The following CYP20A1 variants were observed in gnomAD, a reference collection of about 807,000 sequenced individuals.
CYP20A1 encodes the protein cytochrome P450 family 20 subfamily A member 1, also known as cytochrome P450 20A1.
Under a neutral mutation model 61.4 loss-of-function variants are expected in CYP20A1, and 61 were observed. The observed-to-expected ratio is 0.99, with a 90% confidence interval of 0.81 to 1.23. The LOEUF (loss-of-function observed/expected upper bound fraction) is 1.23. CYP20A1 is among the 50% of genes most tolerant of loss of function. CYP20A1 has a pLI of 0.00. For missense variants in CYP20A1, 530 were observed against 542.4 expected, an observed-to-expected ratio of 0.98 and a Z score of 0.23; for synonymous variants, 193 against 188.2, an observed-to-expected ratio of 1.03 and a Z score of -0.21.
chr2:203,300,923 G>A lies in CYP20A1; in HGVS notation c.*4015G>A, dbSNP rs948594497. ...AAAAAAAAAAAAAAAACGGCCAGGC[G>A]AGGTGGCTCACACCTGTAATCCCAG... On this transcript the variant is annotated 3_prime_UTR_variant, in exon 13 of 13. Transcript: ENST00000356079. Among the ~76,000 whole-genome samples the A allele has an allele frequency of 1.8e-3, 231 of 128,666 alleles. 1 individual carries two copies. Among genetic ancestry groups the A allele is most frequent in the Middle Eastern group, 0.013 (2 of 150 alleles). The allele number at this position is 128,666 out of a possible 152,430, so 84.4% of individuals were successfully genotyped here. A position where few individuals can be genotyped will look rare whatever the true frequency, so the allele number is the denominator to read the frequency against.
At chr2:203,254,428 C>T (rs1195442393) in intron 4 of CYP20A1, among the ~76,000 whole-genome samples, 1 of 151,818 alleles carries the variant, frequency 6.6e-6, no homozygotes, top group Non-Finnish European at 1.5e-5. Context: ...GCCTGTAGTC[C>T]TAGCTACTCG....
rs56202721 is a variant in CYP20A1 at position 203,299,829 on chromosome 2, G to T, written c.*2921G>T. On this transcript the variant is annotated 3_prime_UTR_variant, in exon 13 of 13. Transcript: ENST00000356079. Reference sequence around the variant, plus strand: ...GCAGAGGTTGCGGTGAGCCAAGATCGCGCCATTGCACTCCAGCCTGGGCAA... The same window carrying T: ...GCAGAGGTTGCGGTGAGCCAAGATCTCGCCATTGCACTCCAGCCTGGGCAA... Among the ~76,000 whole-genome samples, 1 of 151,734 alleles carries T rather than the reference G, an allele frequency of 6.6e-6. No homozygotes were observed. Among genetic ancestry groups the T allele is most frequent in the African/African-American group, 2.4e-5 (1 of 41,352 alleles).
chr2:203,278,612 A>G lies in CYP20A1; in HGVS notation c.719A>G (p.Lys240Arg). ...QLESVLRNII[K>R]ERKGRNFSQH... is the part of the protein sequence containing the mutation. ...GAGTCTGTTTTAAGGAACATCATAA[A>G]AGAACGAAAAGGAAGGAACTTCAGT... Residue 240 changes from lysine to arginine, a missense_variant, in exon 7 of 13, where the codon AAA becomes AGA. Lys to Arg is a conservative substitution (Grantham distance 26). Transcript: ENST00000356079. 1.2e-6 allele frequency: 2 copies of G among 1,606,870 alleles called. No individual in the cohort carries two copies. The highest frequency in any genetic ancestry group is 1.7e-6 in the Non-Finnish European group (2 of 1,176,984).
chr2:203,271,681 C>T (rs2067604960), intron 5 of CYP20A1, among the ~76,000 whole-genome samples: 1 of 152,112 alleles, frequency 6.6e-6, no homozygotes, highest in Non-Finnish European at 1.5e-5. Flanking sequence ...ATCAATATTA[C>T]AGGTGAAACA....
rs770003364 is a variant in CYP20A1, at chr2:203,296,478, G to C, written c.1153G>C (p.Asp385His). ...AACCTCAAATTTTCTTTGTAGGTTT[G>C]ATCCAGATCGGTTTGATGATGAATT... is the stretch of plus-strand genomic sequence containing the variant. ...PNTWPSPHKF[D>H]PDRFDDELVM... The change falls in exon 12 of 13, where the codon GAT (aspartate) becomes CAT (histidine). Residue 385 changes from aspartate to histidine, a missense_variant. Asp to His is a moderately conservative substitution (Grantham distance 81, BLOSUM62 -1). Coordinates refer to ENST00000356079, the MANE Select transcript of CYP20A1 (RefSeq NM_177538.3). 5 of 1,608,980 alleles carry C rather than the reference G, an allele frequency of 3.1e-6. No individual in the cohort carries two copies. Among genetic ancestry groups the C allele is most frequent in the Non-Finnish European group, 4.2e-6 (5 of 1,176,946 alleles).
chr2:203,242,538 A>C (rs2066289746), intron 1 of CYP20A1, among the ~76,000 whole-genome samples: 1 of 152,174 alleles, frequency 6.6e-6, no homozygotes, highest in South Asian at 2.1e-4. Context: ...CTATAATCCC[A>C]GCACTTCGGG....
intron 9 of CYP20A1, among the ~76,000 whole-genome samples, chr2:203,285,940 A>G (rs1575257529): frequency 6.6e-6 from 1 of 152,292 alleles, no homozygotes; most frequent in East Asian, 1.9e-4. Flanking sequence ...AAATAGTACT[A>G]ATGAAGTCAA....
intron 4 of CYP20A1, among the ~76,000 whole-genome samples, chr2:203,257,046 T>TC (rs1195328886): frequency 1.3e-5 from 2 of 152,078 alleles, no homozygotes; most frequent in Non-Finnish European, 2.9e-5. Flanking sequence ...TTTAAAATTT[T>TC]CACATACAGT....
chr2:203,282,658 T>C (rs1273750285), intron 8 of CYP20A1, among the ~76,000 whole-genome samples: 1 of 151,938 alleles, frequency 6.6e-6, no homozygotes, highest in African/African-American at 2.4e-5. Flanking sequence ...ATTTTAGGAG[T>C]ATTGCTATGT....
intron 8 of CYP20A1, among the ~76,000 whole-genome samples, chr2:203,285,242 GGTT>G (rs1382301467): frequency 2.0e-5 from 3 of 152,062 alleles, no homozygotes; most frequent in African/African-American, 7.2e-5. Context: ...GGCCTAATAA[GGTT>G]GAGTGCATGA....
intron 4 of CYP20A1, among the ~76,000 whole-genome samples, chr2:203,261,037 A>G (rs1438846995): frequency 4.0e-5 from 6 of 151,506 alleles, no homozygotes; most frequent in Middle Eastern, 3.4e-3. Context: ...ATTGGGAGAG[A>G]GAAGGCATAT....
At chr2:203,275,531 C>T (rs1172880317) in intron 6 of CYP20A1, among the ~76,000 whole-genome samples, 1 of 151,932 alleles carries the variant, frequency 6.6e-6, no homozygotes, top group African/African-American at 2.4e-5. Context: ...CCTCTGCCTC[C>T]CGGGTTCAAA....
At chr2:203,272,779 A>G in intron 6 of CYP20A1, 31 bp downstream of exon 6, 1 of 1,351,532 alleles carries the variant, frequency 7.4e-7, no homozygotes, top group Non-Finnish European at 1.0e-6. Context: ...TTTAGTGAGG[A>G]CAAAAAATAA....
chr2:203,276,268 A>T (rs1323940189), intron 6 of CYP20A1, among the ~76,000 whole-genome samples: 1 of 152,192 alleles, frequency 6.6e-6, no homozygotes, highest in Non-Finnish European at 1.5e-5. Context: ...GGAGACAGGA[A>T]TGGGTTTTGT....
At position 203,299,418 on chromosome 2, in the gene CYP20A1, C is replaced by G. The variant is rs1404412608; in HGVS notation, c.*2510C>G. On this transcript the variant is annotated 3_prime_UTR_variant, in exon 13 of 13. Coordinates refer to ENST00000356079, the MANE Select transcript of CYP20A1 (RefSeq NM_177538.3). ...GCCAAACCTGAGTGATAAAGTGAGA[C>G]CCTATCTCTTAAAAAAAAAAATCCC... Among the ~76,000 whole-genome samples the G allele has an allele frequency of 1.3e-5, 2 of 151,712 alleles. No homozygotes were observed. The highest frequency in any genetic ancestry group is 2.4e-5 in the African/African-American group (1 of 41,300).
intron 3 of CYP20A1, among the ~76,000 whole-genome samples, chr2:203,249,819 T>C (rs544062054): frequency 1.3e-5 from 2 of 152,076 alleles, no homozygotes; most frequent in African/African-American, 4.8e-5. Context: ...CACTCCAACC[T>C]GGATGACAGA....
rs1267948219 is a variant in CYP20A1, at chr2:203,283,550, A to ATT, written c.851-2046_851-2045dup. 1.5e-3 allele frequency among the ~76,000 whole-genome samples: 173 copies of ATT among 112,826 alleles called. 4 individuals carry two copies. Among genetic ancestry groups the ATT allele is most frequent in the Admixed American group, 1.9e-3 (19 of 10,166 alleles). The allele number at this position is 112,826 out of a possible 152,430, so 74.0% of individuals were successfully genotyped here. A position where few individuals can be genotyped will look rare whatever the true frequency, so the allele number is the denominator to read the frequency against. ...TTATTAAATTCATATTGTTATATTA[A>ATT]TTTTTTTTTTTTTTTTTGAGACTGA... On this transcript the variant is annotated intron_variant, in intron 8 of 12. Coordinates refer to ENST00000356079, the MANE Select transcript of CYP20A1 (RefSeq NM_177538.3).
chr2:203,269,801 G>C (rs921936943), intron 5 of CYP20A1, among the ~76,000 whole-genome samples: 5 of 151,924 alleles, frequency 3.3e-5, no homozygotes, highest in African/African-American at 1.2e-4. Flanking sequence ...GGTAATTTTT[G>C]TATTTTTAGT....
At chr2:203,276,921 C>T (rs1369452966) in intron 6 of CYP20A1, among the ~76,000 whole-genome samples, 2 of 152,122 alleles carry the variant, frequency 1.3e-5, no homozygotes, top group Non-Finnish European at 2.9e-5. Flanking sequence ...CAAAACAGCC[C>T]TGTCCTTGAG....
Sources: gnomAD v4.1 joint callset for allele counts (sites outside exome capture counted in the v4.1 genomes callset) on GRCh38, gnomAD v4.1.1 for gene constraint, MANE v1.5 for transcripts, NCBI Gene and HGNC (gene_info 2026-07-23, HGNC 2026-07-21) for gene names.